Variants in CDC25C observed in about 807,000 individuals in gnomAD.
CDC25C encodes cell division cycle 25C.
A neutral mutation model predicts 52.5 loss-of-function variants in CDC25C; 48 were observed. That is an observed-to-expected ratio of 0.91 (90% CI 0.72 to 1.16). CDC25C has a LOEUF of 1.16. CDC25C is among the 50% of genes most tolerant of loss of function. The pLI, the probability that CDC25C is intolerant of heterozygous loss-of-function variation, is 0.00. For missense variants in CDC25C, 510 were observed against 566.1 expected (o/e 0.90, Z 1.01); for synonymous variants, 187 against 206.5 (o/e 0.91, Z 0.81).
intron 7 of CDC25C, among the ~76,000 whole-genome samples, chr5:138,296,608 A>AT (rs35152436): frequency 0.29 from 39,248 of 135,510 alleles, 6,356 homozygotes; most frequent in East Asian, 0.55. Context: ...ATTATTAATT[A>AT]TTTTTTTTTT....
chr5:138,287,735 C>A (rs867249381), intron 10 of CDC25C, among the ~76,000 whole-genome samples: 13 of 152,324 alleles, frequency 8.5e-5, no homozygotes, highest in Middle Eastern at 3.4e-3. Flanking sequence ...TGTAGGAGTG[C>A]AAATTGGTTC....
At chr5:138,336,906 T>G (rs1438154149) in intron 1 of CDC25C, 1 of 151,884 alleles carries the variant, frequency 6.6e-6, no homozygotes, top group Non-Finnish European at 1.5e-5. Context: ...CCTCCTCCCC[T>G]CCCTGGCTCA....
intron 3 of CDC25C, chr5:138,328,959 C>A: frequency 6.0e-6 from 1 of 165,778 alleles, no homozygotes; most frequent in Non-Finnish European, 1.3e-5. Flanking sequence ...GGCGGGAGTG[C>A]ATTGGTGCTA....
intron 4 of CDC25C, among the ~76,000 whole-genome samples, chr5:138,327,141 G>GC (rs991657331): frequency 1.2e-4 from 18 of 151,194 alleles, no homozygotes; most frequent in Non-Finnish European, 2.2e-4. Context: ...TGTAGTCCCA[G>GC]CCTCTCAGGA....
At chr5:138,311,142 T>C (rs1286492995) in intron 7 of CDC25C, among the ~76,000 whole-genome samples, 1 of 152,188 alleles carries the variant, frequency 6.6e-6, no homozygotes, top group Admixed American at 6.5e-5. Flanking sequence ...CCACCAGCAA[T>C]GCACAAGGGT....
At chr5:138,293,442 A>G (rs1392680992) in intron 7 of CDC25C, among the ~76,000 whole-genome samples, 1 of 152,124 alleles carries the variant, frequency 6.6e-6, no homozygotes, top group African/African-American at 2.4e-5. Flanking sequence ...AAGGTAGGGT[A>G]GGAAAGGAGA....
intron 7 of CDC25C, among the ~76,000 whole-genome samples, chr5:138,314,000 T>TTCTTTCTTTC (rs1561701509): frequency 2.7e-5 from 4 of 145,498 alleles, no homozygotes; most frequent in Non-Finnish European, 6.1e-5. Context: ...TCTTTCTTTT[T>TTCTTTCTTTC]TTTTTTTTTT....
chr5:138,286,247 T>A, intron 12 of CDC25C, 114 bp from the exon 13 acceptor site: 1 of 875,622 alleles, frequency 1.1e-6, no homozygotes, highest in East Asian at 2.5e-5. Context: ...CAAAAAGGAC[T>A]TTCCAATCTC....
chr5:138,307,133 C>T (rs182428243), intron 7 of CDC25C, among the ~76,000 whole-genome samples: 460 of 152,108 alleles, frequency 3.0e-3, no homozygotes, highest in Middle Eastern at 6.8e-3. Flanking sequence ...CATGAGCCAC[C>T]GTGCCCAGCC....
chr5:138,288,345 G>A (rs1162886080), intron 10 of CDC25C, among the ~76,000 whole-genome samples: 1 of 151,982 alleles, frequency 6.6e-6, no homozygotes, highest in African/African-American at 2.4e-5. Context: ...AAAGTGCTGG[G>A]ATTACAGGTG....
At chr5:138,321,045 T>C (rs1362455962) in intron 6 of CDC25C, among the ~76,000 whole-genome samples, 1 of 151,188 alleles carries the variant, frequency 6.6e-6, no homozygotes, top group Non-Finnish European at 1.5e-5. Context: ...CAGTGAGTTA[T>C]GATTGTGCCA....
Position 138,329,537 on chromosome 5 carries a change from T to C in CDC25C, c.289+16A>G. 2.7e-6 allele frequency: 4 copies of C among 1,508,804 alleles called. No individual in the cohort carries two copies. The highest frequency in any genetic ancestry group is 2.8e-6 in the Non-Finnish European group (3 of 1,086,340). 93.5% of individuals were successfully genotyped at this position (1,508,804 alleles called of 1,614,324 possible). On this transcript the variant is annotated intron_variant, in intron 3 of 13. Transcript: ENST00000323760. ...GTTATTCTTCCCTTTGAGGCCTTTA[T>C]CTCCCTTCTCCCTACCAGTTTCATC...
chr5:138,307,599 T>A (rs1463116734), intron 7 of CDC25C, among the ~76,000 whole-genome samples: 37 of 152,036 alleles, frequency 2.4e-4, no homozygotes, highest in Non-Finnish European at 7.4e-5. Flanking sequence ...AGGACAATTT[T>A]AAAACATTTT....
At chr5:138,300,839 T>A (rs539258858) in intron 7 of CDC25C, among the ~76,000 whole-genome samples, 25 of 152,256 alleles carry the variant, frequency 1.6e-4, no homozygotes, top group African/African-American at 6.0e-4. Context: ...AGAAAGGTCC[T>A]CAAATATGAG....
At chr5:138,321,737 C>A (rs1759406795) in intron 6 of CDC25C, among the ~76,000 whole-genome samples, 2 of 96,146 alleles carry the variant, frequency 2.1e-5, no homozygotes, top group Admixed American at 1.7e-4. Flanking sequence ...GGTGACAGAG[C>A]AAGACTCTGT....
chr5:138,332,949 G>A (rs916020205), upstream of CDC25C, among the ~76,000 whole-genome samples: 11 of 152,198 alleles, frequency 7.2e-5, no homozygotes, highest in Admixed American at 1.3e-4. Context: ...GATGGGGGCA[G>A]GAGGGTCCAT....
chr5:138,331,642 T>C lies in CDC25C; in HGVS notation c.-86A>G, dbSNP rs1376045012. The C allele has an allele frequency of 3.0e-6, 3 of 1,003,496 alleles. No individual in the cohort carries two copies. Among genetic ancestry groups the C allele is most frequent in the East Asian group, 2.0e-4 (2 of 10,110 alleles). 62.2% of individuals were successfully genotyped at this position (1,003,496 alleles called of 1,614,324 possible). ...TGCCTACAAGAGGAGAGAAAGTAGA[T>C]AGGGATCGGACACAGGCGAAGACTT... is the stretch of plus-strand genomic sequence containing the variant. On this transcript the variant is annotated 5_prime_UTR_variant, in exon 1 of 14. Transcript: ENST00000323760.
At chr5:138,300,258 C>T (rs75792163) in intron 7 of CDC25C, among the ~76,000 whole-genome samples, 11,561 of 152,170 alleles carry the variant, frequency 0.076, 614 homozygotes, top group Non-Finnish European at 0.11. Flanking sequence ...AAATCAGCCA[C>T]CGTATCCCAC....
intron 6 of CDC25C, among the ~76,000 whole-genome samples, chr5:138,324,807 A>G (rs555697820): frequency 6.6e-6 from 1 of 152,196 alleles, no homozygotes; most frequent in East Asian, 1.9e-4. Context: ...AGTGGCTCAC[A>G]CCTGTAATCT....
Sources: allele counts gnomAD v4.1 joint callset (sites outside exome capture counted in the v4.1 genomes callset), GRCh38; gene constraint gnomAD v4.1.1; transcripts MANE v1.5; gene names NCBI Gene and HGNC (gene_info 2026-07-23, HGNC 2026-07-21).